Variants in EXOC4 observed in about 807,000 individuals in gnomAD.
The protein encoded by EXOC4 is SEC8-like 1.
A neutral mutation model predicts 107.2 loss-of-function variants in EXOC4; 71 were observed. The observed-to-expected ratio is 0.66, with a 90% CI of 0.55 to 0.81. EXOC4 has a LOEUF of 0.81. EXOC4 is among the 30% of genes least tolerant of loss of function. EXOC4 has a pLI of 0.00. For synonymous variants in EXOC4, 456 were observed against 441.2 expected (o/e 1.03, Z -0.42); for missense variants, 1,108 against 1,189.6 (o/e 0.93, Z 1.01).
chr7:133,846,914 A>G (rs556797515), intron 11 of EXOC4, among the ~76,000 whole-genome samples: 1 of 152,360 alleles, frequency 6.6e-6, no homozygotes, highest in Admixed American at 6.5e-5. Flanking sequence ...ATACTTTTGT[A>G]TGTATTTGTA....
chr7:133,640,111 A>G lies in EXOC4; in HGVS notation c.1514+9970A>G, dbSNP rs1010143292. Among the ~76,000 whole-genome samples, 4 of 152,204 alleles carry G rather than the reference A, an allele frequency of 2.6e-5. 1 individual carries two copies. The highest frequency in any genetic ancestry group is 4.1e-4 in the South Asian group (2 of 4,834). On this transcript the variant is annotated intron_variant, in intron 10 of 17. Transcript: ENST00000253861. ...TATATGAATTTTTACATGTGTATAC[A>G]TAAGTGTAACCATGACCCAAATCAA...
At chr7:133,378,578 A>G (rs568759244) in intron 7 of EXOC4, among the ~76,000 whole-genome samples, 2 of 152,252 alleles carry the variant, frequency 1.3e-5, no homozygotes, top group African/African-American at 4.8e-5. Flanking sequence ...GGAGTAGGGT[A>G]AATGATACTA....
chr7:133,977,738 TTGTGTGTGTGTG>T (rs201003706), intron 14 of EXOC4, among the ~76,000 whole-genome samples: 1 of 88,196 alleles, frequency 1.1e-5, no homozygotes. Context: ...TTTTGTTGTT[TTGTGTGTGTGTG>T]TGTGTGTGTG....
chr7:133,933,682 C>T (rs564798456), intron 13 of EXOC4, among the ~76,000 whole-genome samples: 1 of 152,334 alleles, frequency 6.6e-6, no homozygotes, highest in East Asian at 1.9e-4. Flanking sequence ...AGGTCTTCTG[C>T]AGGGGACAAG....
At chr7:133,827,936 G>A (rs911816017) in intron 11 of EXOC4, among the ~76,000 whole-genome samples, 1 of 152,170 alleles carries the variant, frequency 6.6e-6, no homozygotes, top group Non-Finnish European at 1.5e-5. Flanking sequence ...TAACCCCTGG[G>A]TTTTAAAGGA....
intron 13 of EXOC4, among the ~76,000 whole-genome samples, chr7:133,934,772 A>G (rs1563062930): frequency 6.6e-6 from 1 of 152,026 alleles, no homozygotes; most frequent in African/African-American, 2.4e-5. Context: ...GAGTTGATAT[A>G]TAAGGGCAGA....
chr7:133,631,979 T>C (rs1473241332), intron 10 of EXOC4, among the ~76,000 whole-genome samples: 1 of 152,156 alleles, frequency 6.6e-6, no homozygotes, highest in Non-Finnish European at 1.5e-5. Context: ...TTAGAAACTA[T>C]TAACCGTGTT....
Position 134,026,258 on chromosome 7 carries a change from A to C in EXOC4, c.2687+18423A>C, listed in dbSNP as rs376285165. Among the ~76,000 whole-genome samples the C allele has an allele frequency of 1.3e-4, 19 of 151,434 alleles. No individual in the cohort carries two copies. In the East Asian group the frequency reaches 3.3e-3, roughly 26 times the overall value. ...TTATAACTACATAGCCTGTCTCCCC[A>C]CGATGGCAAAGTAGTAGCCCAGACT... is the stretch of plus-strand genomic sequence containing the variant. On this transcript the variant is annotated intron_variant, in intron 17 of 17. Transcript: ENST00000253861.
chr7:133,488,811 T>C (rs1799317643), intron 9 of EXOC4, among the ~76,000 whole-genome samples: 1 of 151,762 alleles, frequency 6.6e-6, no homozygotes. Flanking sequence ...GCAATGAAAA[T>C]GAATGAACTA....
intron 10 of EXOC4, among the ~76,000 whole-genome samples, chr7:133,638,412 T>C (rs1802765461): frequency 6.6e-6 from 1 of 152,148 alleles, no homozygotes; most frequent in Admixed American, 6.6e-5. Flanking sequence ...GGGGTAGATA[T>C]GTTTCTTCCA....
intron 9 of EXOC4, among the ~76,000 whole-genome samples, chr7:133,523,033 G>A (rs1800008759): frequency 6.6e-6 from 1 of 152,178 alleles, no homozygotes; most frequent in Non-Finnish European, 1.5e-5. Flanking sequence ...CCTGATGCCA[G>A]TAAGAAATAC....
intron 14 of EXOC4, 118 bp downstream of exon 14, chr7:133,938,187 A>C (rs1800348535): frequency 1.0e-6 from 1 of 967,480 alleles, no homozygotes; most frequent in South Asian, 1.7e-5. Context: ...AGCTGTCAGA[A>C]GATCCTGGTT....
intron 10 of EXOC4, among the ~76,000 whole-genome samples, chr7:133,743,994 T>C (rs1251990087): frequency 6.6e-6 from 1 of 152,134 alleles, no homozygotes; most frequent in East Asian, 1.9e-4. Flanking sequence ...TTTTTTATGT[T>C]CATTTACAGT....
chr7:133,634,599 C>T (rs899719587), intron 10 of EXOC4, among the ~76,000 whole-genome samples: 1 of 152,156 alleles, frequency 6.6e-6, no homozygotes, highest in Non-Finnish European at 1.5e-5. Flanking sequence ...AAGCAATTCT[C>T]GTGCCTCAGC....
chr7:133,365,954 A>G (rs966488983), intron 6 of EXOC4, among the ~76,000 whole-genome samples: 1 of 152,194 alleles, frequency 6.6e-6, no homozygotes, highest in African/African-American at 2.4e-5. Context: ...TTCTATGGTT[A>G]TTGCTTTTGT....
chr7:133,421,928 A>G (rs910381268), intron 7 of EXOC4, among the ~76,000 whole-genome samples: 7 of 152,214 alleles, frequency 4.6e-5, no homozygotes, highest in Non-Finnish European at 1.0e-4. Flanking sequence ...CCCTGAAGCA[A>G]TTTTTTAATT....
intron 10 of EXOC4, among the ~76,000 whole-genome samples, chr7:133,695,380 ACT>A (rs1794512377): frequency 1.3e-5 from 2 of 151,606 alleles, no homozygotes; most frequent in African/African-American, 4.9e-5. Context: ...CTGTTGACAG[ACT>A]CTTAGGTTGA....
At chr7:133,304,761 G>A (rs1054027176) in intron 3 of EXOC4, among the ~76,000 whole-genome samples, 4 of 152,250 alleles carry the variant, frequency 2.6e-5, no homozygotes, top group Middle Eastern at 3.4e-3. Flanking sequence ...CTTTAGGAGC[G>A]TGTTTGTATC....
chr7:133,886,043 A>G (rs892713662), intron 11 of EXOC4, among the ~76,000 whole-genome samples: 3 of 152,094 alleles, frequency 2.0e-5, no homozygotes, highest in African/African-American at 7.2e-5. Flanking sequence ...ATGTGTCCTT[A>G]AGCATGTCAT....
Sources: gnomAD v4.1 joint callset for allele counts (sites outside exome capture counted in the v4.1 genomes callset) on GRCh38, gnomAD v4.1.1 for gene constraint, MANE v1.5 for transcripts, NCBI Gene and HGNC (gene_info 2026-07-23, HGNC 2026-07-21) for gene names.